Variants in JARID2 observed in about 807,000 individuals in gnomAD.
The protein encoded by JARID2 is protein Jumonji.
Under a neutral mutation model 125.6 loss-of-function variants are expected in JARID2, and 21 were observed. The ratio of observed to expected loss-of-function variants is 0.17; its 90% CI spans 0.12 to 0.24. The LOEUF (loss-of-function observed/expected upper bound fraction) is 0.24. Ranked by LOEUF, JARID2 falls within the 10% of genes least tolerant of loss-of-function variation. The pLI is 1.00. For synonymous variants in JARID2, 736 were observed against 661.6 expected (o/e 1.11, Z -1.73); for missense variants, 1,303 against 1,639.6 (o/e 0.79, Z 3.55).
At chr6:15,451,769 G>A (rs989025526) in intron 3 of JARID2, among the ~76,000 whole-genome samples, 2 of 152,184 alleles carry the variant, frequency 1.3e-5, no homozygotes, top group Non-Finnish European at 2.9e-5. Flanking sequence ...GTATACACAT[G>A]TCCATGACAC....
At chr6:15,352,346 T>C (rs1763458863) in intron 1 of JARID2, among the ~76,000 whole-genome samples, 1 of 152,188 alleles carries the variant, frequency 6.6e-6, no homozygotes, top group African/African-American at 2.4e-5. Context: ...AATGTTACAT[T>C]GTCCTCTGTC....
chr6:15,387,964 TAATAG>T (rs1764851586), intron 2 of JARID2, among the ~76,000 whole-genome samples: 1 of 152,234 alleles, frequency 6.6e-6, no homozygotes, highest in African/African-American at 2.4e-5. Flanking sequence ...TCTTGACGTG[TAATAG>T]AATAGAAAGA....
intron 1 of JARID2, among the ~76,000 whole-genome samples, chr6:15,265,951 T>C (rs947960639): frequency 7.2e-5 from 11 of 152,150 alleles, no homozygotes; most frequent in Non-Finnish European, 1.5e-4. Flanking sequence ...GCTCATCAGG[T>C]CTCCTAGCCA....
chr6:15,493,920 T>G (rs1770278322), intron 6 of JARID2, among the ~76,000 whole-genome samples: 1 of 151,776 alleles, frequency 6.6e-6, no homozygotes, highest in Admixed American at 6.5e-5. Context: ...GCCAGGTGCT[T>G]TTTTTCCTCT....
chr6:15,470,938 A>T (rs1460727281), intron 5 of JARID2, among the ~76,000 whole-genome samples: 1 of 152,218 alleles, frequency 6.6e-6, no homozygotes, highest in Non-Finnish European at 1.5e-5. Context: ...ACAGAATAGG[A>T]ACCTGTTGAT....
At chr6:15,366,638 C>A (rs1308524171) in intron 1 of JARID2, among the ~76,000 whole-genome samples, 1 of 151,986 alleles carries the variant, frequency 6.6e-6, no homozygotes, top group Non-Finnish European at 1.5e-5. Flanking sequence ...GTGCTCCTTT[C>A]CTTGGTCTCC....
At chr6:15,292,920 C>T (rs1761280239) in intron 1 of JARID2, among the ~76,000 whole-genome samples, 1 of 152,194 alleles carries the variant, frequency 6.6e-6, no homozygotes, top group Non-Finnish European at 1.5e-5. Context: ...CCTCCTGCCT[C>T]CACCTTCCAA....
intron 3 of JARID2, among the ~76,000 whole-genome samples, chr6:15,438,229 A>C (rs1411799332): frequency 6.6e-6 from 1 of 152,116 alleles, no homozygotes; most frequent in Non-Finnish European, 1.5e-5. Context: ...CAGTGGATTG[A>C]CACAGTTAAA....
chr6:15,385,004 G>T (rs890694948), intron 2 of JARID2, among the ~76,000 whole-genome samples: 1 of 152,182 alleles, frequency 6.6e-6, no homozygotes, highest in Non-Finnish European at 1.5e-5. Flanking sequence ...TTCTGCCTTT[G>T]TATTCCTCCT....
At chr6:15,253,842 TTGTC>T (rs1276186076) in intron 1 of JARID2, among the ~76,000 whole-genome samples, 12 of 152,230 alleles carry the variant, frequency 7.9e-5, no homozygotes, top group African/African-American at 2.6e-4. Context: ...CATTGTGAGT[TTGTC>T]TGAGAAAAGG....
intron 4 of JARID2, among the ~76,000 whole-genome samples, chr6:15,454,898 T>G (rs1320386068): frequency 6.6e-6 from 1 of 152,140 alleles, no homozygotes; most frequent in Non-Finnish European, 1.5e-5. Context: ...TGGCTGTATA[T>G]AGAGAGAAGA....
rs929696378 is a variant in JARID2 at position 15,296,693 on chromosome 6, A to G, written c.45+50109A>G. On this transcript the variant is annotated intron_variant, in intron 1 of 17. Transcript: ENST00000341776. ...AGCCATAGTTAACAATGAGGACACT[A>G]ATACTGGGAGGCCTTAAAGCTGCTA... Among the ~76,000 whole-genome samples the G allele has an allele frequency of 8.5e-5, 13 of 152,192 alleles. 1 individual carries two copies. The highest frequency in any genetic ancestry group is 2.7e-4 in the African/African-American group (11 of 41,432).
intron 2 of JARID2, among the ~76,000 whole-genome samples, chr6:15,386,399 T>C (rs1480722928): frequency 1.3e-5 from 2 of 152,216 alleles, no homozygotes; most frequent in African/African-American, 2.4e-5. Context: ...TGTACACATA[T>C]AACCAAGTGA....
intron 3 of JARID2, among the ~76,000 whole-genome samples, chr6:15,434,873 T>C (rs1408840246): frequency 5.9e-5 from 9 of 152,222 alleles, no homozygotes; most frequent in African/African-American, 1.9e-4. Flanking sequence ...TTTCTACTTC[T>C]CAAGTAGGTT....
intron 5 of JARID2, among the ~76,000 whole-genome samples, chr6:15,475,039 G>A (rs1053128387): frequency 6.6e-6 from 1 of 152,172 alleles, no homozygotes; most frequent in African/African-American, 2.4e-5. Flanking sequence ...TTGTTTTCAT[G>A]TGTAATAAAT....
At chr6:15,298,095 C>G (rs776401343) in intron 1 of JARID2, among the ~76,000 whole-genome samples, 24 of 152,138 alleles carry the variant, frequency 1.6e-4, no homozygotes, top group Non-Finnish European at 3.1e-4. Context: ...TTTTAGGGAG[C>G]TTACCCAACT....
chr6:15,496,010 T>C (rs992996430), intron 6 of JARID2, 122 bp from the exon 7 acceptor site: 1 of 774,538 alleles, frequency 1.3e-6, no homozygotes, highest in Non-Finnish European at 2.1e-6. Flanking sequence ...CTTATCACAC[T>C]ACAGGCTGCT....
intron 1 of JARID2, among the ~76,000 whole-genome samples, chr6:15,326,388 G>A (rs1370366110): frequency 6.6e-6 from 1 of 152,186 alleles, no homozygotes; most frequent in Non-Finnish European, 1.5e-5. Context: ...ATTTTTGGTA[G>A]ATGGGGTCTC....
chr6:15,457,881 T>C lies in JARID2; in HGVS notation c.493+5706T>C, dbSNP rs139164962. On this transcript the variant is annotated intron_variant, in intron 4 of 17. Coordinates refer to ENST00000341776, the MANE Select transcript of JARID2 (RefSeq NM_004973.4). ...TTAGAAATCTAAAACAAATTTGTTT[T>C]AAGACACTACCAGCTAAGTCTGCAA... is the stretch of plus-strand genomic sequence containing the variant. Among the ~76,000 whole-genome samples the C allele has an allele frequency of 2.0e-3, 298 of 152,352 alleles. 2 individuals are homozygous for C. Among genetic ancestry groups the C allele is most frequent in the South Asian group, 6.0e-3 (29 of 4,824 alleles).
Sources: gnomAD v4.1 joint callset for allele counts (sites outside exome capture counted in the v4.1 genomes callset) on GRCh38, gnomAD v4.1.1 for gene constraint, MANE v1.5 for transcripts, NCBI Gene and HGNC (gene_info 2026-07-23, HGNC 2026-07-21) for gene names.